Variants in RCAN2 observed in about 807,000 individuals in gnomAD.
RCAN2 encodes the protein calcipressin-2.
A neutral mutation model predicts 23.6 loss-of-function variants in RCAN2; 9 were observed. The ratio of observed to expected loss-of-function variants is 0.38; its 90% CI spans 0.23 to 0.67. The LOEUF (loss-of-function observed/expected upper bound fraction) is 0.67, where lower values mean the gene tolerates loss of function less well. RCAN2 is among the 30% of genes least tolerant of loss of function. RCAN2 has a pLI of 0.51. For synonymous variants in RCAN2, 109 were observed against 115.7 expected, an observed-to-expected ratio of 0.94 and a Z score of 0.37; for missense variants, 273 against 302.3, an observed-to-expected ratio of 0.90 and a Z score of 0.72.
chr6:46,469,035 CCT>C (rs1381840243), intron 1 of RCAN2, among the ~76,000 whole-genome samples: 1 of 152,172 alleles, frequency 6.6e-6, no homozygotes, highest in African/African-American at 2.4e-5. Context: ...TTCTATCACA[CCT>C]CTGTTTCTCT....
At chr6:46,470,646 T>A (rs939180129) in intron 1 of RCAN2, among the ~76,000 whole-genome samples, 9 of 152,246 alleles carry the variant, frequency 5.9e-5, no homozygotes, top group Non-Finnish European at 1.5e-5. Flanking sequence ...TCACTTACTT[T>A]TCTCATTTTT....
rs1260308317 is a variant in RCAN2 at position 46,334,304 on chromosome 6, C to A, written c.226-85408G>T. Among the ~76,000 whole-genome samples the A allele has an allele frequency of 2.9e-4, 44 of 152,228 alleles. 2 individuals are homozygous for A. The highest frequency in any genetic ancestry group is 2.9e-3 in the Admixed American group (44 of 15,286). On this transcript the variant is annotated intron_variant, in intron 2 of 4. Transcript: ENST00000371374. Reference sequence around the variant, plus strand: ...GCTCCTTGAGAAGCGGGCTCCTCTACCTTGCCCACAGCTATATCTCCAAGT... The same window carrying A: ...GCTCCTTGAGAAGCGGGCTCCTCTAACTTGCCCACAGCTATATCTCCAAGT...
intron 2 of RCAN2, among the ~76,000 whole-genome samples, chr6:46,360,265 G>A (rs1432475850): frequency 6.6e-6 from 1 of 152,086 alleles, no homozygotes; most frequent in African/African-American, 2.4e-5. Context: ...GGGCGCTGTG[G>A]CTCAAGCCTG....
At chr6:46,462,277 C>A (rs1768240399) in intron 1 of RCAN2, among the ~76,000 whole-genome samples, 1 of 152,134 alleles carries the variant, frequency 6.6e-6, no homozygotes, top group African/African-American at 2.4e-5. Flanking sequence ...AAACAAACAA[C>A]CTTTTCCCCC....
At chr6:46,446,416 C>T (rs982402383) in intron 2 of RCAN2, among the ~76,000 whole-genome samples, 11 of 152,084 alleles carry the variant, frequency 7.2e-5, no homozygotes, top group Non-Finnish European at 1.5e-4. Context: ...GACAGTTTAT[C>T]ACCACCAGAC....
At chr6:46,273,236 T>C (rs964866077) in intron 2 of RCAN2, among the ~76,000 whole-genome samples, 3 of 152,196 alleles carry the variant, frequency 2.0e-5, no homozygotes, top group African/African-American at 7.2e-5. Flanking sequence ...GAAATTGGGT[T>C]AACAGACTTT....
At chr6:46,266,787 G>T (rs1249777169) in intron 2 of RCAN2, among the ~76,000 whole-genome samples, 1 of 152,120 alleles carries the variant, frequency 6.6e-6, no homozygotes, top group African/African-American at 2.4e-5. Context: ...CACTGGAGGC[G>T]ACTGATTCCA....
rs149927472 is a variant in RCAN2 at position 46,320,424 on chromosome 6, C to T, written c.226-71528G>A. Among the ~76,000 whole-genome samples the T allele has an allele frequency of 7.0e-3, 1,065 of 152,266 alleles. 9 individuals are homozygous for T. The highest frequency in any genetic ancestry group is 0.024 in the African/African-American group (991 of 41,538). ...TACAAAACAAGTGATTTGAAATGTC[C>T]AGTGGTTTGTATGACAGAGAGATTT... is the stretch of plus-strand genomic sequence containing the variant. On this transcript the variant is annotated intron_variant, in intron 2 of 4. Transcript: ENST00000371374.
intron 2 of RCAN2, among the ~76,000 whole-genome samples, chr6:46,407,029 G>A (rs1766425856): frequency 6.6e-6 from 1 of 152,186 alleles, no homozygotes; most frequent in Non-Finnish European, 1.5e-5. Context: ...CCAAAGCAAA[G>A]TCTGAGCTCC....
intron 2 of RCAN2, among the ~76,000 whole-genome samples, chr6:46,328,606 TTTTG>T (rs147253833): frequency 3.4e-4 from 52 of 151,694 alleles, no homozygotes; most frequent in African/African-American, 9.7e-4. Context: ...TTCTCTAGAG[TTTTG>T]TTTGTTTGTT....
intron 2 of RCAN2, among the ~76,000 whole-genome samples, chr6:46,355,852 C>A (rs982850889): frequency 2.0e-5 from 3 of 152,144 alleles, no homozygotes; most frequent in African/African-American, 7.2e-5. Flanking sequence ...GCTTGAAAAT[C>A]GAAGTGAGGA....
At chr6:46,460,448 T>C (rs1301974519) in intron 1 of RCAN2, among the ~76,000 whole-genome samples, 1 of 152,174 alleles carries the variant, frequency 6.6e-6, no homozygotes, top group Non-Finnish European at 1.5e-5. Flanking sequence ...TTGACATGTG[T>C]TGTCCTTATT....
intron 2 of RCAN2, among the ~76,000 whole-genome samples, chr6:46,389,311 C>T (rs1163408504): frequency 6.6e-6 from 1 of 152,200 alleles, no homozygotes; most frequent in African/African-American, 2.4e-5. Context: ...ACTCAGCCTG[C>T]TGTTTCAGAC....
intron 2 of RCAN2, among the ~76,000 whole-genome samples, chr6:46,288,585 A>C (rs1418322277): frequency 6.6e-6 from 1 of 152,254 alleles, no homozygotes; most frequent in Non-Finnish European, 1.5e-5. Context: ...ATATTCAAAA[A>C]GTTATCTGCA....
At chr6:46,318,955 A>G (rs1036434822) in intron 2 of RCAN2, among the ~76,000 whole-genome samples, 1 of 152,190 alleles carries the variant, frequency 6.6e-6, no homozygotes, top group Non-Finnish European at 1.5e-5. Context: ...ATGGGTATAT[A>G]TAACTTTGTA....
At chr6:46,440,670 A>G (rs775747302) in intron 2 of RCAN2, among the ~76,000 whole-genome samples, 20 of 152,118 alleles carry the variant, frequency 1.3e-4, no homozygotes, top group Non-Finnish European at 7.4e-5. Context: ...GAAAAAAGAT[A>G]GTTGCTATGA....
chr6:46,413,187 A>G (rs1159344544), intron 2 of RCAN2, among the ~76,000 whole-genome samples: 1 of 152,220 alleles, frequency 6.6e-6, no homozygotes, highest in Admixed American at 6.5e-5. Context: ...TAAATTTTCA[A>G]CTAAGGAGGA....
intron 3 of RCAN2, among the ~76,000 whole-genome samples, chr6:46,247,532 C>A (rs1239758306): frequency 6.6e-6 from 1 of 152,196 alleles, no homozygotes; most frequent in Admixed American, 6.5e-5. Context: ...TCACTGGCAA[C>A]CACCATGCTG....
chr6:46,379,200 C>T (rs1364492642), intron 2 of RCAN2, among the ~76,000 whole-genome samples: 2 of 152,120 alleles, frequency 1.3e-5, no homozygotes, highest in African/African-American at 2.4e-5. Flanking sequence ...TATGTGGGTA[C>T]ATCAAACCTG....
Sources: gnomAD v4.1 joint callset for allele counts (sites outside exome capture counted in the v4.1 genomes callset) on GRCh38, gnomAD v4.1.1 for gene constraint, MANE v1.5 for transcripts, NCBI Gene and HGNC (gene_info 2026-07-23, HGNC 2026-07-21) for gene names.